The following ZAN variants were observed in gnomAD, a reference collection of about 807,000 sequenced individuals.
The protein encoded by ZAN is zonadhesin.
A neutral mutation model predicts 286.2 loss-of-function variants in ZAN; 260 were observed. The ratio of observed to expected loss-of-function variants is 0.91; its 90% confidence interval spans 0.82 to 1.01. The LOEUF is 1.01. Among genes scored for constraint, ZAN ranks in the 50% least tolerant of loss-of-function variants. ZAN has a pLI of 0.00. For synonymous variants in ZAN, 1,368 were observed against 1,417.5 expected (o/e 0.97, Z 0.79); for missense variants, 3,410 against 3,639.2 (o/e 0.94, Z 1.62).
At chr7:100,766,871 A>C (rs904360400) in intron 24 of ZAN, 139 bp from the exon 25 acceptor site, 2 of 1,497,014 alleles carry the variant, frequency 1.3e-6, no homozygotes, top group African/African-American at 2.8e-5. Flanking sequence ...CAAGCCAACC[A>C]CACTTCCTAG....
Position 100,738,527 on chromosome 7 carries a change from C to G in ZAN, c.680C>G (p.Thr227Ser). The G allele has an allele frequency of 8.0e-6, 12 of 1,503,358 alleles. 3 individuals are homozygous for G. Among genetic ancestry groups the G allele is most frequent in the Non-Finnish European group, 1.1e-5 (12 of 1,097,070 alleles). The allele number at this position is 1,503,358 out of a possible 1,614,324, so 93.1% of individuals were successfully genotyped here. ...CTCTGTGACTGGACCTGGATCCCAACTGCCTCCGGGGCCAAGTGGACTCAG... is the reference window on the plus strand; with the variant it reads ...CTCTGTGACTGGACCTGGATCCCAAGTGCCTCCGGGGCCAAGTGGACTCAG... ...NDLCDWTWIP[T>S]ASGAKWTQKK... Residue 227 changes from threonine to serine, a missense_variant, in exon 7 of 48, where the codon ACT becomes AGT. Physicochemically the swap from Thr to Ser is moderately conservative, Grantham distance 58. Around this residue, in one of 7 missense-constraint regions of ZAN, gnomAD observed 872 missense variants for 938.9 expected, o/e 0.93. Transcript: ENST00000613979.
In ZAN at chr7:100,797,529, C is replaced by G. The variant is rs369822816; in HGVS notation, c.8367-48C>G. On this transcript the variant is annotated intron_variant, in intron 46 of 47. Coordinates refer to ENST00000613979, the MANE Select transcript of ZAN (RefSeq NM_003386.3). ...GTGCAAACCGGGAAGCGGCTGGGCC[C>G]GTAAAGGGCCACTTGGGGACCCATG... is the stretch of plus-strand genomic sequence containing the variant. 168 of 1,613,490 alleles carry G rather than the reference C, an allele frequency of 1.0e-4. No individual in the cohort carries two copies. The African/African-American group carries it at 2.1e-3, about 20-fold the overall frequency.
In ZAN at chr7:100,775,669, A is replaced by T. The variant is rs929209275; in HGVS notation, c.6028A>T (p.Ile2010Phe). ...TCACCGTCACTGTCCTCCTGTTTAG[A>T]TCAACAGCAAACAGGTCACCCTCCC... ...VTLQKGHRVL[I>F]NSKQVTLPAI... is the part of the protein sequence containing the mutation. Residue 2010 changes from isoleucine to phenylalanine, a missense_variant and splice_region_variant, in exon 33 of 48, where the codon ATC becomes TTC. By Grantham distance (21) the Ile-to-Phe change is conservative (BLOSUM62 0). Around this residue, in one of 7 missense-constraint regions of ZAN, gnomAD observed 1,289 missense variants for 1,314.3 expected, o/e 0.98. Transcript: ENST00000613979. 1.9e-6 allele frequency: 3 copies of T among 1,613,650 alleles called. No individual in the cohort carries two copies. The highest frequency in any genetic ancestry group is 2.2e-5 in the East Asian group (1 of 44,840).
At position 100,753,140 on chromosome 7, in the gene ZAN, T is replaced by G. The variant is rs6942733; in HGVS notation, c.3035T>G (p.Leu1012Arg). 0.24 allele frequency: 382,669 copies of G among 1,613,674 alleles called. 46,734 individuals carry two copies. Among genetic ancestry groups the G allele is most frequent in the East Asian group, 0.25 (11,383 of 44,874 alleles). The change falls in exon 14 of 48, where the codon CTG becomes CGG. Residue 1012 changes from leucine (L) to arginine (R), a missense_variant. Physicochemically the swap from Leu to Arg is moderately radical, Grantham distance 102. This residue lies in a region of ZAN where 1,042 missense variants were observed against 1,058.0 expected (regional missense o/e 0.98). Coordinates refer to ENST00000613979, the MANE Select transcript of ZAN (RefSeq NM_003386.3). ...PPHPSPTATG[L>R]AALVMSPHAP... is the part of the protein sequence containing the mutation. ...CATCCCAGCCCCACAGCCACTGGGC[T>G]GGCAGCCTTGGTGATGTCTCCACAT...
At chr7:100,771,347 C>T (rs1810352075) in intron 28 of ZAN, among the ~76,000 whole-genome samples, 1 of 152,190 alleles carries the variant, frequency 6.6e-6, no homozygotes. Flanking sequence ...GCTGGGACTA[C>T]AGGTGTGCAC....
chr7:100,779,637 T>C lies in ZAN; in HGVS notation c.6509T>C (p.Leu2170Pro), dbSNP rs200445201. Residue 2170 changes from leucine to proline, a missense_variant, in exon 35 of 48, where the codon CTC (leucine) becomes CCC (proline). By Grantham distance (98) the Leu-to-Pro change is moderately conservative. Around this residue, in one of 7 missense-constraint regions of ZAN, gnomAD observed 1,289 missense variants for 1,314.3 expected, o/e 0.98. Transcript: ENST00000613979. Reference protein sequence around the residue: ...TPFLVDCANTLCEFGGLYQAL... With the variant: ...TPFLVDCANTPCEFGGLYQAL... ...TTCCTGGTGGACTGTGCAAACACCC[T>C]CTGTGAGTTCGGAGGTCTCTACCAG... is the stretch of plus-strand genomic sequence containing the variant. 3,803 of 1,593,484 alleles carry C rather than the reference T, an allele frequency of 2.4e-3. 11 individuals are homozygous for C. Among genetic ancestry groups the C allele is most frequent in the Non-Finnish European group, 2.9e-3 (3,430 of 1,170,268 alleles).
intron 39 of ZAN, among the ~76,000 whole-genome samples, chr7:100,790,550 A>G (rs1269049498): frequency 7.0e-6 from 1 of 143,234 alleles, no homozygotes; most frequent in Non-Finnish European, 1.5e-5. Context: ...CAACGGAGCG[A>G]GACTCCATCT....
Position 100,739,434 on chromosome 7 carries a change from G to T in ZAN, c.766+821G>T, listed in dbSNP as rs527241401. Among the ~76,000 whole-genome samples, 109 of 138,638 alleles carry T rather than the reference G, an allele frequency of 7.9e-4. 22 individuals carry two copies. Among genetic ancestry groups the T allele is most frequent in the Non-Finnish European group, 5.2e-4 (32 of 61,870 alleles). The allele number at this position is 138,638 out of a possible 152,430, so 91.0% of individuals were successfully genotyped here. Reference sequence around the variant, plus strand: ...AAGAGTAGGGTGTGGTAGCGGGGGGGCAGTTACCGACACAAAGTAAATATA... The same window carrying T: ...AAGAGTAGGGTGTGGTAGCGGGGGGTCAGTTACCGACACAAAGTAAATATA... On this transcript the variant is annotated intron_variant, in intron 7 of 47. Coordinates refer to ENST00000613979, the MANE Select transcript of ZAN (RefSeq NM_003386.3).
At chr7:100,748,791 G>A (rs991146711) in intron 11 of ZAN, among the ~76,000 whole-genome samples, 4 of 152,110 alleles carry the variant, frequency 2.6e-5, no homozygotes, top group Non-Finnish European at 5.9e-5. Context: ...CACTTTGAGA[G>A]GCCGAGACGG....
rs1283797433 is a variant in ZAN, at chr7:100,763,750, G to A, written c.3987-56G>A. On this transcript the variant is annotated intron_variant, in intron 20 of 47. Transcript: ENST00000613979. The surrounding 1 kb of genome is among the most constrained non-coding windows in gnomAD (Gnocchi z 4.6). ...GCCAGCCTTGCTGCCTGCTGGGTTA[G>A]GGATGAGCTGGAAGCGAGCTTTGTC... The A allele has an allele frequency of 3.8e-6, 6 of 1,563,762 alleles. No homozygotes were observed. The highest frequency in any genetic ancestry group is 5.3e-6 in the Non-Finnish European group (6 of 1,137,014).
chr7:100,735,559 AAAAAG>A (rs1358607383), intron 2 of ZAN, among the ~76,000 whole-genome samples, 156 bp from the exon 3 acceptor site: 1 of 129,868 alleles, frequency 7.7e-6, no homozygotes, highest in East Asian at 2.1e-4. Flanking sequence ...GGAAAAAAAA[AAAAAG>A]AAAAGAAAAA....
chr7:100,737,053 G>T lies in ZAN; in HGVS notation c.498G>T (p.Val166=). ...CCTGGATGCTCACCACCGTCACTGTGCCCGCAGGGTTCACCCTGCCCACCC... is the reference window on the plus strand; with the variant it reads ...CCTGGATGCTCACCACCGTCACTGTTCCCGCAGGGTTCACCCTGCCCACCC... ...RPSWMLTTVT[V]PAGFTLPTRL... is the part of the protein sequence containing the mutation. Residue 166 remains valine, a synonymous_variant, in exon 5 of 48, where the codon GTG becomes GTT. Coordinates refer to ENST00000613979, the MANE Select transcript of ZAN (RefSeq NM_003386.3). 1 of 1,498,416 alleles carries T rather than the reference G, an allele frequency of 6.7e-7. No individual in the cohort carries two copies. 92.8% of individuals were successfully genotyped at this position (1,498,416 alleles called of 1,614,324 possible).
At chr7:100,744,798 CCTTAT>C (rs939351184) in intron 7 of ZAN, among the ~76,000 whole-genome samples, 1 of 150,812 alleles carries the variant, frequency 6.6e-6, no homozygotes, top group Non-Finnish European at 1.5e-5. Context: ...TTGCTCGCTT[CCTTAT>C]ATTTTCTTCA....
At position 100,748,292 on chromosome 7, in the gene ZAN, A is replaced by G. The variant is rs756037861; in HGVS notation, c.1103-32A>G. ...GGGGAGGGCTGGAGAGCGTCACTCA[A>G]CTTGCTCAAATATCCTATTTTGATC... On this transcript the variant is annotated intron_variant, in intron 10 of 47. Coordinates refer to ENST00000613979, the MANE Select transcript of ZAN (RefSeq NM_003386.3). 2.0e-5 allele frequency: 32 copies of G among 1,613,718 alleles called. 1 individual carries two copies. In the South Asian group the frequency reaches 2.4e-4, roughly 12 times the overall value.
chr7:100,760,627 C>T, intron 19 of ZAN, 91 bp downstream of exon 19: 1 of 1,516,424 alleles, frequency 6.6e-7, no homozygotes, highest in Admixed American at 2.0e-5. Flanking sequence ...TGCCCACTCC[C>T]CTTCCATCCC....
At chr7:100,748,041 T>A in intron 9 of ZAN, 96 bp from the exon 10 acceptor site, 2 of 968,262 alleles carry the variant, frequency 2.1e-6, no homozygotes, top group East Asian at 2.5e-5. Flanking sequence ...GCACAGGGAG[T>A]AGGGATTCTG....
rs1279145879 is a variant in ZAN, at chr7:100,776,334, G to T, written c.6193-106G>T. ...ACTTGAAGGAAGGGAGGGAGGGAGGGAGGGAGGGAGGAAAACTGCTCTCGT... is the reference window on the plus strand; with the variant it reads ...ACTTGAAGGAAGGGAGGGAGGGAGGTAGGGAGGGAGGAAAACTGCTCTCGT... On this transcript the variant is annotated intron_variant, in intron 33 of 47. Coordinates refer to ENST00000613979, the MANE Select transcript of ZAN (RefSeq NM_003386.3). The T allele has an allele frequency of 5.9e-6, 8 of 1,353,560 alleles. No individual in the cohort carries two copies. The East Asian group carries it at 2.5e-4, about 43-fold the overall frequency. 83.8% of individuals were successfully genotyped at this position (1,353,560 alleles called of 1,614,324 possible). A position where few individuals can be genotyped will look rare whatever the true frequency, so the allele number is the denominator to read the frequency against.
Position 100,755,418 on chromosome 7 carries a change from C to T in ZAN, c.3309+8C>T. Reference sequence around the variant, plus strand: ...AACAACGACTACTATGAGGTAAGCCCCCCGGGATGCTGGGGTCCCATGAGG... The same window carrying T: ...AACAACGACTACTATGAGGTAAGCCTCCCGGGATGCTGGGGTCCCATGAGG... On this transcript the variant is annotated splice_region_variant and intron_variant, in intron 15 of 47. Transcript: ENST00000613979. 2 of 1,611,138 alleles carry T rather than the reference C, an allele frequency of 1.2e-6. No homozygotes were observed. Among genetic ancestry groups the T allele is most frequent in the Non-Finnish European group, 1.7e-6 (2 of 1,178,348 alleles).
chr7:100,739,937 C>T (rs1017493339), intron 7 of ZAN, among the ~76,000 whole-genome samples: 1 of 141,608 alleles, frequency 7.1e-6, no homozygotes, highest in Non-Finnish European at 1.6e-5. Flanking sequence ...GGATTATAGG[C>T]GTTGAGCCAC....
Sources: allele counts gnomAD v4.1 joint callset (sites outside exome capture counted in the v4.1 genomes callset), GRCh38; gene constraint gnomAD v4.1.1; regional missense constraint gnomAD v4.1.1; non-coding constraint Gnocchi (gnomAD v3.1); transcripts MANE v1.5; gene names NCBI Gene and HGNC (gene_info 2026-07-23, HGNC 2026-07-21).